The following MDFIC variants were observed in gnomAD, a reference collection of about 807,000 sequenced individuals.
MDFIC encodes the protein MyoD family inhibitor domain containing.
A neutral mutation model predicts 23.2 loss-of-function variants in MDFIC; 17 were observed. The observed-to-expected ratio is 0.73, with a 90% CI of 0.50 to 1.10. MDFIC has a LOEUF of 1.10. Among genes scored for constraint, MDFIC ranks in the 50% least tolerant of loss-of-function variants. The probability of loss-of-function intolerance (pLI) is 0.00; values close to 1 mark genes in which losing one functional copy is unlikely to be tolerated. For synonymous variants in MDFIC, 120 were observed against 115.2 expected (o/e 1.04, Z -0.27); for missense variants, 356 against 316.6 (o/e 1.12, Z -0.95).
At chr7:114,924,460 A>G (rs572198402) in intron 2 of MDFIC, among the ~76,000 whole-genome samples, 19 of 152,338 alleles carry the variant, frequency 1.2e-4, no homozygotes, top group African/African-American at 4.3e-4. Context: ...ATCCAACTTT[A>G]ATAGTTTGCA....
intron 4 of MDFIC, among the ~76,000 whole-genome samples, chr7:114,983,528 A>C (rs1353931214): frequency 7.3e-5 from 11 of 150,438 alleles, no homozygotes. Context: ...GTGTCTGAAG[A>C]ACTGAGAACA....
At position 115,017,969 on chromosome 7, in the gene MDFIC, A is replaced by G. The variant is rs1791824789; in HGVS notation, c.*2034A>G. On this transcript the variant is annotated 3_prime_UTR_variant, in exon 5 of 5. Transcript: ENST00000393486. ...GAGATGAAACGTAGTTTCTAGTTAT[A>G]TCATTACTTAAAGGGCTTAAAAAGA... 6.6e-6 allele frequency: 1 copy of G among 151,968 alleles called. No homozygotes were observed. Among genetic ancestry groups the G allele is most frequent in the Non-Finnish European group, 1.5e-5 (1 of 67,868 alleles). The allele number at this position is 151,968 out of a possible 1,614,324, so 9.4% of individuals were successfully genotyped here.
chr7:115,003,055 C>T (rs2594443), intron 4 of MDFIC, among the ~76,000 whole-genome samples: 145,224 of 152,240 alleles, frequency 0.95, 69,653 homozygotes, highest in East Asian at 1. Flanking sequence ...AACACATCGC[C>T]AAAATTTCTC....
intron 4 of MDFIC, among the ~76,000 whole-genome samples, chr7:115,008,112 T>C (rs1000787920): frequency 6.6e-6 from 1 of 152,050 alleles, no homozygotes; most frequent in Non-Finnish European, 1.5e-5. Context: ...ATTTGGAATA[T>C]TTAATGAATC....
chr7:114,994,563 A>T (rs2116046035), intron 4 of MDFIC, among the ~76,000 whole-genome samples: 1 of 152,306 alleles, frequency 6.6e-6, no homozygotes, highest in Middle Eastern at 3.4e-3. Flanking sequence ...AAAATCTCTC[A>T]GCATTTGCTT....
chr7:114,976,264 G>A (rs1227406654), intron 3 of MDFIC, among the ~76,000 whole-genome samples: 1 of 152,020 alleles, frequency 6.6e-6, no homozygotes, highest in Non-Finnish European at 1.5e-5. Flanking sequence ...CCCAGCTTTG[G>A]TCAATGACAT....
At position 114,922,572 on chromosome 7, in the gene MDFIC, T is replaced by G. The variant is rs1792104641; in HGVS notation, c.-172T>G. ...GCCGCTGCCGGAGGCTCGCTAACTT[T>G]CCGGGGCGGAAGAGGAGGAGGAGGA... On this transcript the variant is annotated 5_prime_UTR_variant, in exon 1 of 5. Transcript: ENST00000393486. The G allele has an allele frequency of 1.6e-6, 2 of 1,267,758 alleles. No individual in the cohort carries two copies. 78.5% of individuals were successfully genotyped at this position (1,267,758 alleles called of 1,614,324 possible). A position where few individuals can be genotyped will look rare whatever the true frequency, so the allele number is the denominator to read the frequency against.
rs78894745 is a variant in MDFIC at position 114,956,322 on chromosome 7, C to G, written c.217+13925C>G. 8.2e-4 allele frequency among the ~76,000 whole-genome samples: 124 copies of G among 151,352 alleles called. 2 individuals carry two copies. The East Asian group carries it at 0.019, about 23-fold the overall frequency. On this transcript the variant is annotated intron_variant, in intron 3 of 4. Transcript: ENST00000393486. Reference sequence around the variant, plus strand: ...TGCTAAATTCAAAACAGTTCTTGGGCTTAATACATAAATATTATATATATA... The same window carrying G: ...TGCTAAATTCAAAACAGTTCTTGGGGTTAATACATAAATATTATATATATA...
chr7:114,993,174 AT>A (rs1791226363), intron 4 of MDFIC, among the ~76,000 whole-genome samples: 1 of 152,056 alleles, frequency 6.6e-6, no homozygotes, highest in African/African-American at 2.4e-5. Flanking sequence ...GGTAGTTTGT[AT>A]TTCTGTGGGA....
Position 114,923,040 on chromosome 7 carries a change from G to C in MDFIC, c.7G>C (p.Gly3Arg), listed in dbSNP as rs1381503393. 21 of 1,366,024 alleles carry C rather than the reference G, an allele frequency of 1.5e-5. No homozygotes were observed. In the East Asian group the frequency reaches 1.9e-4, roughly 12 times the overall value. 84.6% of individuals were successfully genotyped at this position (1,366,024 alleles called of 1,614,324 possible). Reference protein sequence around the residue: MSGAGEALAPGPV... With the variant: MSRAGEALAPGPV... ...GGGCTCGGCGGAGCGGCCCATGTCC[G>C]GCGCGGGCGAAGCCCTCGCTCCCGG... The change falls in exon 2 of 5, where the codon GGC (glycine) becomes CGC (arginine). Residue 3 changes from glycine to arginine, a missense_variant. Transcript: ENST00000393486.
intron 4 of MDFIC, among the ~76,000 whole-genome samples, chr7:114,997,384 AG>A (rs1236033649): frequency 1.3e-5 from 2 of 151,546 alleles, no homozygotes; most frequent in Non-Finnish European, 2.9e-5. Flanking sequence ...GTGGTGTTGT[AG>A]GGGAGTGTAT....
rs753720421 is a variant in MDFIC, at chr7:114,942,367, G to A, written c.187G>A (p.Gly63Arg). The A allele has an allele frequency of 3.1e-6, 5 of 1,603,162 alleles. No individual in the cohort carries two copies. The highest frequency in any genetic ancestry group is 2.2e-5 in the East Asian group (1 of 44,476). Residue 63 changes from glycine (G) to arginine (R), a missense_variant, in exon 3 of 5, where the codon GGA becomes AGA. By Grantham distance (125) the Gly-to-Arg change is moderately radical. Coordinates refer to ENST00000393486, the MANE Select transcript of MDFIC (RefSeq NM_001166345.3). Reference sequence around the variant, plus strand: ...AGAGATGCAAGACCAGTCCATTTGGGGAAATCCTTCGGATGGTGAACTCAT... The same window carrying A: ...AGAGATGCAAGACCAGTCCATTTGGAGAAATCCTTCGGATGGTGAACTCAT... ...HGEMQDQSIW[G>R]NPSDGELIRT...
At chr7:114,987,464 C>T (rs778203213) in intron 4 of MDFIC, among the ~76,000 whole-genome samples, 49 of 152,318 alleles carry the variant, frequency 3.2e-4, no homozygotes, top group Non-Finnish European at 6.3e-4. Flanking sequence ...TATGTCACTG[C>T]ATTCCTCAAA....
chr7:114,980,037 T>G (rs538267262), intron 4 of MDFIC: 4 of 482,754 alleles, frequency 8.3e-6, no homozygotes, highest in Non-Finnish European at 1.1e-5. Context: ...GCTATACTTC[T>G]TTTTTTAATG....
chr7:115,003,083 T>C (rs1223275968), intron 4 of MDFIC, among the ~76,000 whole-genome samples: 3 of 152,202 alleles, frequency 2.0e-5, no homozygotes, highest in African/African-American at 7.2e-5. Context: ...ACAGAGTATC[T>C]GACACAACCT....
chr7:114,992,961 G>A (rs1380005063), intron 4 of MDFIC, among the ~76,000 whole-genome samples: 1 of 152,170 alleles, frequency 6.6e-6, no homozygotes, highest in Non-Finnish European at 1.5e-5. Context: ...AGAGGGTAGA[G>A]CTGTGAATCC....
intron 3 of MDFIC, 31 bp from the exon 4 acceptor site, chr7:114,979,475 A>G: frequency 6.4e-7 from 1 of 1,560,590 alleles, no homozygotes; most frequent in South Asian, 1.2e-5. Flanking sequence ...TTTTTCTTTA[A>G]CTGGCTGACT....
intron 3 of MDFIC, among the ~76,000 whole-genome samples, chr7:114,964,894 CAGA>C (rs918625010): frequency 1.3e-5 from 2 of 152,110 alleles, no homozygotes; most frequent in Non-Finnish European, 2.9e-5. Flanking sequence ...AGTGCTGGAT[CAGA>C]AGAATAGCAC....
At chr7:114,956,428 G>A (rs1022377572) in intron 3 of MDFIC, among the ~76,000 whole-genome samples, 1 of 150,832 alleles carries the variant, frequency 6.6e-6, no homozygotes, top group South Asian at 2.1e-4. Flanking sequence ...TAGAAAAAAG[G>A]CATTTTTATT....
Sources: gnomAD v4.1 joint callset for allele counts (sites outside exome capture counted in the v4.1 genomes callset) on GRCh38, gnomAD v4.1.1 for gene constraint, MANE v1.5 for transcripts, NCBI Gene and HGNC (gene_info 2026-07-23, HGNC 2026-07-21) for gene names.